HJURP: variants seen among roughly 807,000 people sequenced by gnomAD.
HJURP encodes the protein Holliday junction recognition protein.
A neutral mutation model predicts 72.0 loss-of-function variants in HJURP; 49 were observed. The observed-to-expected ratio is 0.68, with a 90% CI of 0.54 to 0.86. The LOEUF is 0.86. Ranked by LOEUF, HJURP falls within the 40% of genes least tolerant of loss-of-function variation. The pLI is 0.00. For synonymous variants in HJURP, 357 were observed against 347.1 expected (o/e 1.03, Z -0.32); for missense variants, 908 against 936.3 (o/e 0.97, Z 0.39).
chr2:233,853,914 C>A lies in HJURP; in HGVS notation c.118-4G>T, dbSNP rs749820404. On this transcript the variant is annotated splice_polypyrimidine_tract_variant and splice_region_variant and intron_variant, in intron 1 of 8. Coordinates refer to ENST00000411486, the MANE Select transcript of HJURP (RefSeq NM_018410.5). ...TGTCCTCGAAGGGCTGGTTGTACTG[C>A]GGAGGAGGAAGGGGCTTCCTGTCAG... The A allele has an allele frequency of 6.8e-6, 11 of 1,613,448 alleles. No individual in the cohort carries two copies. Among genetic ancestry groups the A allele is most frequent in the Non-Finnish European group, 9.3e-6 (11 of 1,179,730 alleles).
chr2:233,842,937 G>A (rs917298883), intron 7 of HJURP, among the ~76,000 whole-genome samples: 3 of 152,306 alleles, frequency 2.0e-5, no homozygotes, highest in Admixed American at 6.5e-5. Context: ...AACGCATGTC[G>A]TTGCACTACA....
In HJURP at chr2:233,854,495, C is replaced by G; in HGVS notation, c.6G>C (p.Leu2=). The change falls in exon 1 of 9, where the codon CTG becomes CTC. Residue 2 remains leucine (L), a synonymous_variant. Coordinates refer to ENST00000411486, the MANE Select transcript of HJURP (RefSeq NM_018410.5). M[L]GTLRAMEGED... ...CGCCCTCCATGGCGCGCAGCGTACC[C>G]AGCATCGGACCCAGCCAGTACCCAA... 2 of 1,610,764 alleles carry G rather than the reference C, an allele frequency of 1.2e-6. No individual in the cohort carries two copies. Among genetic ancestry groups the G allele is most frequent in the Non-Finnish European group, 1.7e-6 (2 of 1,178,164 alleles).
Position 233,837,608 on chromosome 2 carries a change from A to G in HJURP, c.2216T>C (p.Met739Thr). Residue 739 changes from methionine (M) to threonine (T), a missense_variant, in exon 9 of 9, where the codon ATG becomes ACG. Coordinates refer to ENST00000411486, the MANE Select transcript of HJURP (RefSeq NM_018410.5). ...SYRMEEKSDF[M>T]LEKLETKSV ...ACTTTTAGTTTCCAATTTTTCTAGC[A>G]TGAAATCACTTTTCTCTTCCATCCT... is the stretch of plus-strand genomic sequence containing the variant. The G allele has an allele frequency of 2.0e-5, 33 of 1,611,744 alleles. No homozygotes were observed. Among genetic ancestry groups the G allele is most frequent in the Non-Finnish European group, 2.4e-5 (28 of 1,178,334 alleles).
At position 233,846,178 on chromosome 2, in the gene HJURP, T is replaced by C. The variant is rs1219557376; in HGVS notation, c.403-358A>G. 1 of 186,128 alleles carries C rather than the reference T, an allele frequency of 5.4e-6. No homozygotes were observed. Among genetic ancestry groups the C allele is most frequent in the African/African-American group, 2.4e-5 (1 of 42,150 alleles). 11.5% of individuals were successfully genotyped at this position (186,128 alleles called of 1,614,324 possible). A position where few individuals can be genotyped will look rare whatever the true frequency, so the allele number is the denominator to read the frequency against. The stretch of plus-strand genomic sequence containing the variant: ...AAGAAATTCAGTGCTCCTGGCTGGG[T>C]GTGATGGGTCATGCCTGTAATCCCA... On this transcript the variant is annotated intron_variant, in intron 5 of 8. Coordinates refer to ENST00000411486, the MANE Select transcript of HJURP (RefSeq NM_018410.5). The surrounding 1 kb of genome is among the most constrained non-coding windows in gnomAD (Gnocchi z 4.3).
At chr2:233,844,481 T>C (rs533811357) in intron 6 of HJURP, among the ~76,000 whole-genome samples, 198 bp from the exon 7 acceptor site, 11 of 152,304 alleles carry the variant, frequency 7.2e-5, no homozygotes, top group African/African-American at 2.6e-4. Flanking sequence ...GGACAGTTGA[T>C]GTGGTCTCCA....
intron 1 of HJURP, 30 bp downstream of exon 1, chr2:233,854,353 TC>T: frequency 6.6e-7 from 1 of 1,505,802 alleles, no homozygotes; most frequent in Non-Finnish European, 9.2e-7. Context: ...CACGCAGGCC[TC>T]CCCTCCCGGC....
Position 233,840,964 on chromosome 2 carries a change from C to T in HJURP, c.1816G>A (p.Gly606Arg). 6.2e-7 allele frequency: 1 copy of T among 1,614,134 alleles called. No individual in the cohort carries two copies. Among genetic ancestry groups the T allele is most frequent in the Non-Finnish European group, 8.5e-7 (1 of 1,180,024 alleles). ...ATACTTGCTTTATCTGTAGACACTC[C>T]AATACATAAAGGCACTGTCATCTGC... The part of the protein sequence containing the change: ...PGQMTVPLCI[G>R]VSTDKASMEV... Residue 606 changes from glycine to arginine, a missense_variant, in exon 8 of 9, where the codon GGA becomes AGA. Physicochemically the swap from Gly to Arg is moderately radical, Grantham distance 125. Coordinates refer to ENST00000411486, the MANE Select transcript of HJURP (RefSeq NM_018410.5).
chr2:233,854,093 C>T (rs905713969), intron 1 of HJURP, among the ~76,000 whole-genome samples, 183 bp from the exon 2 acceptor site: 1 of 152,178 alleles, frequency 6.6e-6, no homozygotes, highest in African/African-American at 2.4e-5. Flanking sequence ...CCCAGCCCCA[C>T]CAAACCCTCC....
intron 7 of HJURP, among the ~76,000 whole-genome samples, 161 bp from the exon 8 acceptor site, chr2:233,842,366 AT>A (rs1422690851): frequency 6.6e-6 from 1 of 152,218 alleles, no homozygotes; most frequent in African/African-American, 2.4e-5. Context: ...TCTCAGAGAT[AT>A]TTTTTGGTAT....
At chr2:233,850,201 A>G (rs1315012796) in intron 3 of HJURP, among the ~76,000 whole-genome samples, 2 of 152,248 alleles carry the variant, frequency 1.3e-5, no homozygotes, top group African/African-American at 4.8e-5. Flanking sequence ...ATTGAAACAG[A>G]ACAAAATTGT....
chr2:233,852,635 CA>C lies in HJURP; in HGVS notation c.185-16del, dbSNP rs1455952922. The C allele has an allele frequency of 6.3e-7, 1 of 1,579,262 alleles. No homozygotes were observed. The highest frequency in any genetic ancestry group is 8.7e-7 in the Non-Finnish European group (1 of 1,148,266). ...AATTCTCAATCCTGAAGAAAAGAAA[CA>C]AAAATGACCATTTACATAATCCTGA... On this transcript the variant is annotated splice_polypyrimidine_tract_variant and intron_variant, in intron 2 of 8. Transcript: ENST00000411486.
At chr2:233,847,344 CCT>C in intron 5 of HJURP, 51 bp downstream of exon 5, 1 of 1,402,854 alleles carries the variant, frequency 7.1e-7, no homozygotes, top group Non-Finnish European at 1.0e-6. Context: ...TTGATGGACC[CCT>C]GAGCCCCCAA....
In HJURP at chr2:233,849,789, G is replaced by A. The variant is rs764012487; in HGVS notation, c.311C>T (p.Pro104Leu). Residue 104 changes from proline (P) to leucine (L), a missense_variant, in exon 4 of 9, where the codon CCC becomes CTC. Coordinates refer to ENST00000411486, the MANE Select transcript of HJURP (RefSeq NM_018410.5). ...VQAAAWGPEL[P>L]SHRTVLGADS... is the part of the protein sequence containing the mutation. ...GGCTCCCAGGACTGTGCGGTGCGAG[G>A]GAAGCTCAGGACCCCAGGCTGCAGC... 7 of 1,554,210 alleles carry A rather than the reference G, an allele frequency of 4.5e-6. No homozygotes were observed. In the East Asian group the frequency reaches 1.4e-4, roughly 32 times the overall value.
At chr2:233,849,986 T>A in intron 3 of HJURP, 127 bp from the exon 4 acceptor site, 1 of 641,766 alleles carries the variant, frequency 1.6e-6, no homozygotes, top group Middle Eastern at 2.5e-4. Flanking sequence ...CCACAAGGCT[T>A]CTCTTCTCCC....
chr2:233,838,058 G>A (rs141393661), intron 8 of HJURP, among the ~76,000 whole-genome samples: 1 of 152,204 alleles, frequency 6.6e-6, no homozygotes, highest in South Asian at 2.1e-4. Flanking sequence ...ACGTAAAAAC[G>A]GTTCAGCATG....
At chr2:233,850,786 T>A (rs938979232) in intron 3 of HJURP, among the ~76,000 whole-genome samples, 1 of 120,346 alleles carries the variant, frequency 8.3e-6, no homozygotes, top group Non-Finnish European at 1.9e-5. Flanking sequence ...GGTTTGAGAA[T>A]CACAGAGAAG....
At chr2:233,853,753 A>G in intron 2 of HJURP, 91 bp downstream of exon 2, 2 of 1,056,132 alleles carry the variant, frequency 1.9e-6, no homozygotes, top group Non-Finnish European at 1.4e-6. Flanking sequence ...TAGGTGAACA[A>G]TGTTTACTTC....
chr2:233,850,455 C>G (rs987951545), intron 3 of HJURP, among the ~76,000 whole-genome samples: 1 of 152,176 alleles, frequency 6.6e-6, no homozygotes, highest in East Asian at 1.9e-4. Context: ...GCAGGCCCCA[C>G]GAATAATCCC....
At chr2:233,843,464 T>C (rs574604175) in intron 7 of HJURP, among the ~76,000 whole-genome samples, 11 of 152,270 alleles carry the variant, frequency 7.2e-5, no homozygotes, top group Admixed American at 4.6e-4. Flanking sequence ...GTCATCCCTG[T>C]AGTAATTTTG....
Sources: gnomAD v4.1 joint callset for allele counts (sites outside exome capture counted in the v4.1 genomes callset) on GRCh38, gnomAD v4.1.1 for gene constraint, Gnocchi (gnomAD v3.1) non-coding constraint, MANE v1.5 for transcripts, NCBI Gene and HGNC (gene_info 2026-07-23, HGNC 2026-07-21) for gene names.